QKI: variants seen among roughly 807,000 people sequenced by gnomAD.
QKI encodes KH domain-containing RNA-binding protein QKI.
A neutral mutation model predicts 39.0 loss-of-function variants in QKI; 10 were observed. That is an observed-to-expected ratio of 0.26 (90% CI 0.16 to 0.43). QKI has a LOEUF of 0.43. Among genes scored for constraint, QKI ranks in the 20% least tolerant of loss-of-function variants. The pLI, the probability that QKI is intolerant of heterozygous loss-of-function variation, is 1.00. For synonymous variants in QKI, 204 were observed against 155.4 expected, an observed-to-expected ratio of 1.31 and a Z score of -2.33; for missense variants, 218 against 428.0, an observed-to-expected ratio of 0.51 and a Z score of 4.33.
At chr6:163,454,922 T>TTA (rs1272563963) in intron 1 of QKI, among the ~76,000 whole-genome samples, 4 of 152,234 alleles carry the variant, frequency 2.6e-5, no homozygotes, top group African/African-American at 9.6e-5. Flanking sequence ...ACAGGCATTC[T>TTA]TATAGTTGTT....
rs547918908 is a variant in QKI, at chr6:163,569,977, G to C, written c.1010-717G>C. On this transcript the variant is annotated intron_variant, in intron 7 of 7. Coordinates refer to ENST00000361752, the MANE Select transcript of QKI (RefSeq NM_006775.3). ...ATGTGTAAAATAGTATTTTCAACTG[G>C]AAAGTGTTGGCTAGTGCAAAAGGCC... 57 of 986,294 alleles carry C rather than the reference G, an allele frequency of 5.8e-5. No individual in the cohort carries two copies. In the African/African-American group the frequency reaches 8.9e-4, roughly 15 times the overall value. 61.1% of individuals were successfully genotyped at this position (986,294 alleles called of 1,614,324 possible). A position where few individuals can be genotyped will look rare whatever the true frequency, so the allele number is the denominator to read the frequency against.
At chr6:163,501,643 C>G (rs1778772034) in intron 3 of QKI, among the ~76,000 whole-genome samples, 1 of 152,142 alleles carries the variant, frequency 6.6e-6, no homozygotes, top group Admixed American at 6.6e-5. Context: ...GAATGTGACC[C>G]TGAAACACCA....
chr6:163,571,817 T>G lies in QKI; in HGVS notation c.*1107T>G, dbSNP rs564154244. 2.6e-5 allele frequency: 4 copies of G among 152,168 alleles called. No individual in the cohort carries two copies. Among genetic ancestry groups the G allele is most frequent in the South Asian group, 2.1e-4 (1 of 4,830 alleles). The allele number at this position is 152,168 out of a possible 1,614,324, so 9.4% of individuals were successfully genotyped here. A position where few individuals can be genotyped will look rare whatever the true frequency, so the allele number is the denominator to read the frequency against. On this transcript the variant is annotated 3_prime_UTR_variant, in exon 8 of 8. Transcript: ENST00000361752. ...AAAGACCAAAAGAGCCTTTTTGTCT[T>G]TCTTTTTTATTTTTTAAGTATTGGA...
Position 163,562,168 on chromosome 6 carries a change from G to C in QKI, c.634+99G>C, listed in dbSNP as rs914068072. On this transcript the variant is annotated intron_variant, in intron 5 of 7. Coordinates refer to ENST00000361752, the MANE Select transcript of QKI (RefSeq NM_006775.3). ...AACACAATAATAGTTCATACAAAGT[G>C]AACAGTTGAAATAACTGTTCTGTCA... 5 of 719,316 alleles carry C rather than the reference G, an allele frequency of 7.0e-6. No homozygotes were observed. The African/African-American group carries it at 9.0e-5, about 13-fold the overall frequency. 44.6% of individuals were successfully genotyped at this position (719,316 alleles called of 1,614,324 possible).
At chr6:163,564,134 A>G (rs1345120828) in intron 6 of QKI, 2 of 1,031,364 alleles carry the variant, frequency 1.9e-6, no homozygotes, top group Non-Finnish European at 1.2e-6. Context: ...CTTCTAAGTG[A>G]AAGTAGTCTG....
chr6:163,431,586 A>G (rs1788832958), intron 1 of QKI, among the ~76,000 whole-genome samples: 1 of 152,134 alleles, frequency 6.6e-6, no homozygotes, highest in African/African-American at 2.4e-5. Flanking sequence ...TTGTTAGGTC[A>G]TTTAAACAAA....
chr6:163,510,086 C>A (rs191857588), intron 3 of QKI, among the ~76,000 whole-genome samples: 1 of 151,846 alleles, frequency 6.6e-6, no homozygotes, highest in Non-Finnish European at 1.5e-5. Flanking sequence ...TGTGGTGATG[C>A]GCATTTGTAA....
chr6:163,435,927 G>A (rs1299237553), intron 1 of QKI, among the ~76,000 whole-genome samples: 1 of 152,010 alleles, frequency 6.6e-6, no homozygotes, highest in African/African-American at 2.4e-5. Flanking sequence ...GAAAATCTGG[G>A]TTTTTGTCAT....
chr6:163,540,029 T>C (rs760982506), intron 4 of QKI, among the ~76,000 whole-genome samples: 1 of 152,000 alleles, frequency 6.6e-6, no homozygotes, highest in Non-Finnish European at 1.5e-5. Context: ...GTAAGAACTT[T>C]AATGTTCACA....
At chr6:163,480,265 C>T (rs376160973) in intron 3 of QKI, among the ~76,000 whole-genome samples, 22 of 152,066 alleles carry the variant, frequency 1.4e-4, no homozygotes, top group African/African-American at 5.1e-4. Flanking sequence ...CTCTTTCTCT[C>T]TCTCTCTCTC....
intron 3 of QKI, among the ~76,000 whole-genome samples, chr6:163,518,433 C>T (rs1348752453): frequency 2.0e-5 from 3 of 152,060 alleles, no homozygotes; most frequent in Admixed American, 2.0e-4. Flanking sequence ...TACATAGATA[C>T]TGTTTTTTGT....
At chr6:163,531,950 A>G (rs1343734660) in intron 3 of QKI, among the ~76,000 whole-genome samples, 1 of 152,226 alleles carries the variant, frequency 6.6e-6, no homozygotes, top group African/African-American at 2.4e-5. Context: ...TTGATTTTGA[A>G]GCAAACAGGG....
chr6:163,570,455 T>C, intron 7 of QKI: 14 of 984,324 alleles, frequency 1.4e-5, no homozygotes, highest in Non-Finnish European at 1.7e-5. Context: ...TTTTTTTTTT[T>C]TTTTTGTGGG....
intron 7 of QKI, chr6:163,569,288 A>G (rs937928975): frequency 9.7e-7 from 1 of 1,026,850 alleles, no homozygotes; most frequent in African/African-American, 1.7e-5. Flanking sequence ...GATAGACTAT[A>G]GAAAACATTT....
At chr6:163,470,207 G>C (rs1017534627) in intron 2 of QKI, among the ~76,000 whole-genome samples, 2 of 152,068 alleles carry the variant, frequency 1.3e-5, no homozygotes. Context: ...CTGAGCTTTG[G>C]GGGATAGCGT....
Position 163,542,129 on chromosome 6 carries a change from GC to G in QKI, c.546+7011del, listed in dbSNP as rs895088584. On this transcript the variant is annotated intron_variant, in intron 4 of 7. Coordinates refer to ENST00000361752, the MANE Select transcript of QKI (RefSeq NM_006775.3). ...AGGTTTTTATTTACAAGGAATAGTA[GC>G]CCCCCCAAAAAATGAAATTATATAA... 5.3e-5 allele frequency among the ~76,000 whole-genome samples: 8 copies of G among 151,586 alleles called. 1 individual carries two copies. The South Asian group carries it at 1.5e-3, about 28-fold the overall frequency.
intron 1 of QKI, chr6:163,428,847 A>G (rs1039019049): frequency 1.3e-5 from 2 of 151,614 alleles, no homozygotes; most frequent in Non-Finnish European, 2.9e-5. Context: ...TCTTGTTTCT[A>G]TATAGAGAAC....
chr6:163,433,886 C>G (rs1789034897), intron 1 of QKI, among the ~76,000 whole-genome samples: 1 of 152,098 alleles, frequency 6.6e-6, no homozygotes. Flanking sequence ...TATAACTCAA[C>G]AATTGAAATG....
chr6:163,416,214 C>A, intron 1 of QKI: 1 of 324,558 alleles, frequency 3.1e-6, no homozygotes, highest in Non-Finnish European at 6.1e-6. Flanking sequence ...AAAATTGAGC[C>A]AAAGTTTCCA....
Sources: gnomAD v4.1 joint callset for allele counts (sites outside exome capture counted in the v4.1 genomes callset) on GRCh38, gnomAD v4.1.1 for gene constraint, MANE v1.5 for transcripts, NCBI Gene and HGNC (gene_info 2026-07-23, HGNC 2026-07-21) for gene names.